ZRANB3: variants seen among roughly 807,000 people sequenced by gnomAD.
ZRANB3 encodes the protein DNA annealing helicase and endonuclease ZRANB3.
ZRANB3 carries 125 observed loss-of-function variants against 133.8 expected under a neutral mutation model. The ratio of observed to expected loss-of-function variants is 0.93; its 90% CI spans 0.81 to 1.08. ZRANB3 has a LOEUF of 1.08. Among genes scored for constraint, ZRANB3 ranks in the 50% least tolerant of loss-of-function variants. The probability of loss-of-function intolerance (pLI) is 0.00; values close to 1 mark genes in which losing one functional copy is unlikely to be tolerated. For synonymous variants in ZRANB3, 387 were observed against 432.7 expected, an observed-to-expected ratio of 0.89 and a Z score of 1.31; for missense variants, 1,229 against 1,275.5, an observed-to-expected ratio of 0.96 and a Z score of 0.56.
At chr2:135,491,430 C>T (rs1692369564) in intron 2 of ZRANB3, among the ~76,000 whole-genome samples, 1 of 152,138 alleles carries the variant, frequency 6.6e-6, no homozygotes, top group African/African-American at 2.4e-5. Context: ...CTGCAACCTC[C>T]ACCTCCCGGG....
At chr2:135,514,830 A>G (rs938432160) in intron 1 of ZRANB3, among the ~76,000 whole-genome samples, 6 of 151,902 alleles carry the variant, frequency 3.9e-5, no homozygotes, top group African/African-American at 1.5e-4. Context: ...TAGTTTATTG[A>G]CAGTTTTTTT....
chr2:135,469,872 C>T (rs910192349), intron 2 of ZRANB3, among the ~76,000 whole-genome samples: 2 of 150,950 alleles, frequency 1.3e-5, no homozygotes, highest in Admixed American at 1.3e-4. Flanking sequence ...AATTAGCGGG[C>T]GTGGTGGCGG....
chr2:135,384,682 G>C (rs1415818333), intron 3 of ZRANB3, among the ~76,000 whole-genome samples: 1 of 152,136 alleles, frequency 6.6e-6, no homozygotes, highest in Admixed American at 6.5e-5. Context: ...TGCAAGGCTG[G>C]TTCAACATAT....
At chr2:135,470,224 C>T (rs1691194895) in intron 2 of ZRANB3, among the ~76,000 whole-genome samples, 1 of 150,930 alleles carries the variant, frequency 6.6e-6, no homozygotes, top group Admixed American at 6.6e-5. Flanking sequence ...ACTCAGAAGG[C>T]TGTGGCAGGA....
chr2:135,201,579 G>T lies in ZRANB3; in HGVS notation c.3142-1139C>A, dbSNP rs571104227. ...GAGGTAGGAGAATCAGCTTGAACCC[G>T]GGAGGCAGAGGTTGCAGTGAGCCGA... is the stretch of plus-strand genomic sequence containing the variant. On this transcript the variant is annotated intron_variant, in intron 20 of 20. Coordinates refer to ENST00000264159, the MANE Select transcript of ZRANB3 (RefSeq NM_032143.4). Among the ~76,000 whole-genome samples, 3 of 151,462 alleles carry T rather than the reference G, an allele frequency of 2.0e-5. No homozygotes were observed. The South Asian group carries it at 6.3e-4, about 32-fold the overall frequency.
chr2:135,204,333 G>GA (rs1017248630), intron 19 of ZRANB3, among the ~76,000 whole-genome samples: 6 of 150,704 alleles, frequency 4.0e-5, no homozygotes, highest in Non-Finnish European at 5.9e-5. Flanking sequence ...TAGTCTTAGG[G>GA]AAAAAAAAAT....
chr2:135,444,777 T>C (rs1689941087), intron 2 of ZRANB3, among the ~76,000 whole-genome samples: 1 of 152,214 alleles, frequency 6.6e-6, no homozygotes, highest in African/African-American at 2.4e-5. Context: ...ACACAAATTA[T>C]ACAGTTATGT....
chr2:135,494,872 T>C (rs1250290956), intron 2 of ZRANB3, among the ~76,000 whole-genome samples: 2 of 152,308 alleles, frequency 1.3e-5, no homozygotes, highest in Middle Eastern at 3.4e-3. Flanking sequence ...GATTTTCATA[T>C]TGAACAAAAA....
intron 1 of ZRANB3, among the ~76,000 whole-genome samples, chr2:135,524,803 ATATTT>A (rs1694085596): frequency 6.6e-6 from 1 of 152,156 alleles, no homozygotes; most frequent in Admixed American, 6.5e-5. Flanking sequence ...TGATAAAATT[ATATTT>A]TAAATTAATG....
chr2:135,296,185 T>A (rs1682075900), intron 8 of ZRANB3, among the ~76,000 whole-genome samples: 1 of 152,230 alleles, frequency 6.6e-6, no homozygotes, highest in Non-Finnish European at 1.5e-5. Flanking sequence ...TCCAACTTGG[T>A]TCCATTCTCC....
At chr2:135,407,055 T>A (rs1402276583) in intron 2 of ZRANB3, among the ~76,000 whole-genome samples, 1 of 152,126 alleles carries the variant, frequency 6.6e-6, no homozygotes, top group East Asian at 1.9e-4. Context: ...GATGACATGA[T>A]TATATATCTA....
chr2:135,491,238 A>G (rs115488578), intron 2 of ZRANB3, among the ~76,000 whole-genome samples: 1,576 of 152,354 alleles, frequency 0.01, 24 homozygotes, highest in African/African-American at 0.036. Flanking sequence ...AGATGAGAAC[A>G]TAAGTTATAG....
intron 1 of ZRANB3, among the ~76,000 whole-genome samples, chr2:135,515,514 T>C (rs529994739): frequency 3.6e-4 from 55 of 152,312 alleles, no homozygotes; most frequent in Admixed American, 7.2e-4. Flanking sequence ...AAAGAATTTA[T>C]TTACTTCCGC....
chr2:135,371,101 C>T (rs1686158595), intron 3 of ZRANB3, among the ~76,000 whole-genome samples: 1 of 152,166 alleles, frequency 6.6e-6, no homozygotes, highest in Admixed American at 6.5e-5. Flanking sequence ...TGAGAATGAA[C>T]TAACACACCA....
At chr2:135,252,050 C>G (rs1161251589) in intron 12 of ZRANB3, among the ~76,000 whole-genome samples, 2 of 152,042 alleles carry the variant, frequency 1.3e-5, no homozygotes, top group Non-Finnish European at 2.9e-5. Context: ...ACAAAAGAAA[C>G]AAACAAACAA....
At chr2:135,383,344 A>C (rs536732917) in intron 3 of ZRANB3, among the ~76,000 whole-genome samples, 3 of 152,198 alleles carry the variant, frequency 2.0e-5, no homozygotes, top group Non-Finnish European at 4.4e-5. Context: ...AGATTCATAA[A>C]ACAAGACCTT....
At chr2:135,429,741 TAGAG>T (rs1384211493) in intron 2 of ZRANB3, among the ~76,000 whole-genome samples, 1 of 151,962 alleles carries the variant, frequency 6.6e-6, no homozygotes, top group African/African-American at 2.4e-5. Context: ...CGGGAAACGG[TAGAG>T]AGAAAGATTA....
intron 2 of ZRANB3, among the ~76,000 whole-genome samples, chr2:135,431,213 G>A (rs1288171370): frequency 1.3e-5 from 2 of 151,594 alleles, no homozygotes; most frequent in African/African-American, 4.8e-5. Context: ...GATCACTTGA[G>A]CTCAGAGAGT....
intron 2 of ZRANB3, among the ~76,000 whole-genome samples, chr2:135,392,366 GC>G: frequency 8.6e-6 from 1 of 116,416 alleles, no homozygotes; most frequent in Non-Finnish European, 1.8e-5. Flanking sequence ...GGGGGGGGGG[GC>G]AGGAAAAAAA....
Sources: gnomAD v4.1 joint callset for allele counts (sites outside exome capture counted in the v4.1 genomes callset) on GRCh38, gnomAD v4.1.1 for gene constraint, MANE v1.5 for transcripts, NCBI Gene and HGNC (gene_info 2026-07-23, HGNC 2026-07-21) for gene names.